HSD17B12: variants seen among roughly 807,000 people sequenced by gnomAD.
The protein encoded by HSD17B12 is very-long-chain 3-oxoacyl-CoA reductase.
A neutral mutation model predicts 39.3 loss-of-function variants in HSD17B12; 32 were observed. That is an observed-to-expected ratio of 0.81 (90% CI 0.61 to 1.09). The LOEUF (loss-of-function observed/expected upper bound fraction) is 1.09. Among genes scored for constraint, HSD17B12 ranks in the 50% least tolerant of loss-of-function variants. The probability of loss-of-function intolerance (pLI) is 0.00; values close to 1 mark genes in which losing one functional copy is unlikely to be tolerated. For missense variants in HSD17B12, 342 were observed against 382.9 expected (o/e 0.89, Z 0.89); for synonymous variants, 150 against 146.7 (o/e 1.02, Z -0.16).
At chr11:43,605,391 G>A in the HSD17B12 span, among the ~76,000 whole-genome samples, 2 of 151,844 alleles carry the variant, frequency 1.3e-5, no homozygotes, top group Non-Finnish European at 2.9e-5. Context: ...GAGAAACCCC[G>A]TCTCTACTAA....
At chr11:43,591,475 A>G in the HSD17B12 span, among the ~76,000 whole-genome samples, 1 of 152,334 alleles carries the variant, frequency 6.6e-6, no homozygotes, top group East Asian at 1.9e-4. Context: ...TATCACTTTA[A>G]ATAACAAACA....
chr11:43,577,641 G>C, the HSD17B12 span, among the ~76,000 whole-genome samples: 1 of 152,114 alleles, frequency 6.6e-6, no homozygotes, highest in South Asian at 2.1e-4. Flanking sequence ...TGTAATTCCC[G>C]GGAGGTGTGT....
the HSD17B12 span, among the ~76,000 whole-genome samples, chr11:43,574,091 T>C: frequency 7.7e-3 from 1,169 of 152,310 alleles, 6 homozygotes; most frequent in Non-Finnish European, 0.011. Flanking sequence ...CCAGAGGGTG[T>C]CCTCCATACA....
At chr11:43,754,751 C>T in intron 3 of HSD17B12, 8 of 567,470 alleles carry the variant, frequency 1.4e-5, no homozygotes, top group South Asian at 7.3e-5. Flanking sequence ...TTCAGTATTC[C>T]TGAATGTTTT....
At chr11:43,640,623 G>T in the HSD17B12 span, among the ~76,000 whole-genome samples, 1 of 151,912 alleles carries the variant, frequency 6.6e-6, no homozygotes, top group Non-Finnish European at 1.5e-5. Flanking sequence ...AATAAGAATT[G>T]TTACGTATTA....
the HSD17B12 span, among the ~76,000 whole-genome samples, chr11:43,630,710 T>C: frequency 6.6e-6 from 1 of 152,206 alleles, no homozygotes; most frequent in Non-Finnish European, 1.5e-5. Context: ...GGATGAAGGT[T>C]CAAGTGGTTG....
At chr11:43,819,990 C>T (rs1951165564) in intron 6 of HSD17B12, among the ~76,000 whole-genome samples, 2 of 152,196 alleles carry the variant, frequency 1.3e-5, no homozygotes, top group East Asian at 1.9e-4. Context: ...GAATTAATAC[C>T]ATCTGGAGGC....
At chr11:43,632,406 G>A in the HSD17B12 span, among the ~76,000 whole-genome samples, 1 of 152,190 alleles carries the variant, frequency 6.6e-6, no homozygotes, top group Non-Finnish European at 1.5e-5. Flanking sequence ...GGATGGCACA[G>A]CATGGAACTA....
At chr11:43,695,032 A>G (rs1011554571) in intron 1 of HSD17B12, among the ~76,000 whole-genome samples, 3 of 152,022 alleles carry the variant, frequency 2.0e-5, no homozygotes, top group Admixed American at 6.6e-5. Flanking sequence ...CTGAAAATAC[A>G]AAAATTAGCC....
chr11:43,641,122 T>A, the HSD17B12 span: 1 of 151,972 alleles, frequency 6.6e-6, no homozygotes, highest in Non-Finnish European at 1.5e-5. Context: ...AAACTTTGCT[T>A]ATCTTAACTG....
At chr11:43,847,715 C>CAAAAA (rs749195210) in intron 9 of HSD17B12, among the ~76,000 whole-genome samples, 3,466 of 85,530 alleles carry the variant, frequency 0.041, 191 homozygotes, top group East Asian at 0.077. Flanking sequence ...CTCTGCCTCA[C>CAAAAA]AAAAAAAAAA....
the HSD17B12 span, among the ~76,000 whole-genome samples, chr11:43,567,355 C>T: frequency 0.014 from 2,169 of 152,218 alleles, 51 homozygotes; most frequent in African/African-American, 0.048. Flanking sequence ...GCAAATGGAG[C>T]CCAAGAGTTG....
the HSD17B12 span, among the ~76,000 whole-genome samples, chr11:43,664,354 G>T: frequency 4.6e-5 from 7 of 152,150 alleles, no homozygotes; most frequent in African/African-American, 2.4e-5. Flanking sequence ...CAGCAGAAAA[G>T]AATATTTGTA....
the HSD17B12 span, among the ~76,000 whole-genome samples, chr11:43,625,184 G>A: frequency 2.6e-4 from 40 of 151,622 alleles, 1 homozygote; most frequent in South Asian, 8.1e-3. Context: ...CAAAATATAA[G>A]AAAACAAAAT....
chr11:43,768,910 G>A (rs956213119), intron 3 of HSD17B12, among the ~76,000 whole-genome samples: 3 of 152,290 alleles, frequency 2.0e-5, no homozygotes, highest in Admixed American at 2.0e-4. Flanking sequence ...GCTGATTGGT[G>A]CATTTACAAT....
At chr11:43,626,818 T>G in the HSD17B12 span, among the ~76,000 whole-genome samples, 103,188 of 151,688 alleles carry the variant, frequency 0.68, 35,379 homozygotes, top group East Asian at 0.81. Context: ...ATTTTATGGG[T>G]TTAAAAAAGA....
intron 1 of HSD17B12, among the ~76,000 whole-genome samples, chr11:43,737,940 G>A (rs141940233): frequency 0.069 from 10,508 of 151,954 alleles, 519 homozygotes; most frequent in Non-Finnish European, 0.1. Flanking sequence ...AGGCATGGTG[G>A]CGGGCGCCTG....
At chr11:43,578,659 T>C in the HSD17B12 span, among the ~76,000 whole-genome samples, 1 of 151,590 alleles carries the variant, frequency 6.6e-6, no homozygotes, top group Non-Finnish European at 1.5e-5. Context: ...TGCGTGGTTG[T>C]GTTTACAAAT....
chr11:43,681,231 AG>A, intron 1 of HSD17B12: 1 of 1,144,732 alleles, frequency 8.7e-7, no homozygotes, highest in Non-Finnish European at 1.1e-6. Context: ...AGCTCAGCTT[AG>A]GGTGTAGGAG....
Sources: allele counts gnomAD v4.1 joint callset (sites outside exome capture counted in the v4.1 genomes callset), GRCh38; gene constraint gnomAD v4.1.1; transcripts MANE v1.5; gene names NCBI Gene and HGNC (gene_info 2026-07-23, HGNC 2026-07-21).